The following ZAN variants were observed in gnomAD, a reference collection of about 807,000 sequenced individuals.
ZAN encodes the protein zonadhesin.
ZAN carries 260 observed loss-of-function variants against 286.2 expected under a neutral mutation model. That is an observed-to-expected ratio of 0.91 (90% CI 0.82 to 1.01). The LOEUF (loss-of-function observed/expected upper bound fraction) is 1.01, where lower values mean the gene tolerates loss of function less well. ZAN is among the 50% of genes least tolerant of loss of function. The pLI, the probability that ZAN is intolerant of heterozygous loss-of-function variation, is 0.00. For missense variants in ZAN, 3,410 were observed against 3,639.2 expected (o/e 0.94, Z 1.62); for synonymous variants, 1,368 against 1,417.5 (o/e 0.97, Z 0.79).
chr7:100,743,528 T>G (rs1321384555), intron 7 of ZAN, among the ~76,000 whole-genome samples: 1 of 152,124 alleles, frequency 6.6e-6, no homozygotes, highest in Non-Finnish European at 1.5e-5. Context: ...CATAGAGGGT[T>G]CTGCTCCCTA....
intron 30 of ZAN, 38 bp downstream of exon 30, chr7:100,773,531 G>GTA: frequency 6.2e-7 from 1 of 1,605,018 alleles, no homozygotes; most frequent in Non-Finnish European, 8.5e-7. Flanking sequence ...CCCTTTCCAG[G>GTA]CCCACATGTT....
intron 5 of ZAN, 24 bp from the exon 6 acceptor site, chr7:100,737,238 T>TG (rs1284836332): frequency 2.1e-6 from 3 of 1,452,580 alleles, no homozygotes; most frequent in African/African-American, 2.9e-5. Context: ...CTCATGGGGT[T>TG]GGGGTCCCCT....
intron 7 of ZAN, among the ~76,000 whole-genome samples, chr7:100,744,626 T>C (rs998707606): frequency 2.0e-5 from 3 of 150,786 alleles, no homozygotes; most frequent in Non-Finnish European, 4.4e-5. Flanking sequence ...AATACGTACA[T>C]AAATAAATAA....
intron 7 of ZAN, among the ~76,000 whole-genome samples, chr7:100,738,879 C>CTCCTTCTCCT (rs1562911331): frequency 9.4e-5 from 4 of 42,372 alleles, no homozygotes; most frequent in Admixed American, 2.5e-4. Flanking sequence ...CTTCTTCTCC[C>CTCCTTCTCCT]TCTCCCTCTC....
In ZAN at chr7:100,795,345, A is replaced by T. The variant is rs752731788; in HGVS notation, c.8266+9A>T. The T allele has an allele frequency of 1.2e-5, 19 of 1,578,062 alleles. No homozygotes were observed. Among genetic ancestry groups the T allele is most frequent in the Non-Finnish European group, 1.6e-5 (19 of 1,160,222 alleles). ...ACCTCCCAGAAAGCCAGGTGAGGGC[A>T]TCGTCCAAGGCCCTGTACCCTCACA... is the stretch of plus-strand genomic sequence containing the variant. On this transcript the variant is annotated intron_variant, in intron 45 of 47. Transcript: ENST00000613979.
At chr7:100,743,800 C>T (rs1482191940) in intron 7 of ZAN, among the ~76,000 whole-genome samples, 1 of 151,456 alleles carries the variant, frequency 6.6e-6, no homozygotes, top group African/African-American at 2.4e-5. Context: ...CTGATTGAGC[C>T]TGGGAGGTGG....
At chr7:100,793,586 C>A (rs561493756) in intron 42 of ZAN, among the ~76,000 whole-genome samples, 1 of 151,996 alleles carries the variant, frequency 6.6e-6, no homozygotes, top group Non-Finnish European at 1.5e-5. Flanking sequence ...TACAGGTGCC[C>A]GCCACCACGC....
At chr7:100,764,998 G>A (rs536962556) in intron 22 of ZAN, among the ~76,000 whole-genome samples, 1 of 152,272 alleles carries the variant, frequency 6.6e-6, no homozygotes, top group Non-Finnish European at 1.5e-5. Context: ...CAGCTCTTTG[G>A]GGAAGCTGCT....
intron 9 of ZAN, 130 bp from the exon 10 acceptor site, chr7:100,748,007 G>T: frequency 3.5e-5 from 24 of 684,002 alleles, no homozygotes; most frequent in Non-Finnish European, 5.6e-5. Flanking sequence ...AAAAAAGAAA[G>T]AAAGAACTGA....
intron 44 of ZAN, among the ~76,000 whole-genome samples, chr7:100,794,899 A>G (rs1584641066): frequency 7.5e-6 from 1 of 134,126 alleles, no homozygotes; most frequent in Non-Finnish European, 1.6e-5. Flanking sequence ...GAAGGGAGGG[A>G]GGAGAGGGGA....
Position 100,755,428 on chromosome 7 carries a change from C to G in ZAN, c.3309+18C>G. The stretch of plus-strand genomic sequence containing the variant: ...ACTATGAGGTAAGCCCCCCGGGATG[C>G]TGGGGTCCCATGAGGGAGATTGATG... On this transcript the variant is annotated intron_variant, in intron 15 of 47. Transcript: ENST00000613979. 3.7e-6 allele frequency: 6 copies of G among 1,609,006 alleles called. No homozygotes were observed. The highest frequency in any genetic ancestry group is 4.2e-6 in the Non-Finnish European group (5 of 1,177,276).
intron 31 of ZAN, 131 bp from the exon 32 acceptor site, chr7:100,775,197 G>A: frequency 7.4e-7 from 1 of 1,357,468 alleles, no homozygotes; most frequent in Non-Finnish European, 9.8e-7. Flanking sequence ...ACAGGCATGA[G>A]CCACTGCGCA....
chr7:100,770,082 C>CATTTTTTA, intron 28 of ZAN, 108 bp downstream of exon 28: 2 of 1,147,436 alleles, frequency 1.7e-6, no homozygotes, highest in Admixed American at 2.4e-5. Context: ...GATGGAAAAG[C>CATTTTTTA]ATGAGGAAGG....
chr7:100,796,696 G>A (rs1378362419), intron 45 of ZAN, among the ~76,000 whole-genome samples: 7 of 152,088 alleles, frequency 4.6e-5, no homozygotes, highest in East Asian at 1.9e-4. Flanking sequence ...GATTACAGGC[G>A]TGAGCCTTTG....
At chr7:100,781,162 G>A (rs1420979778) in intron 35 of ZAN, among the ~76,000 whole-genome samples, 1 of 151,966 alleles carries the variant, frequency 6.6e-6, no homozygotes, top group African/African-American at 2.4e-5. Flanking sequence ...CCACCTTCTG[G>A]GTTCAAGAGA....
At chr7:100,773,223 G>A (rs934656739) in intron 29 of ZAN, 62 bp from the exon 30 acceptor site, 4 of 1,580,786 alleles carry the variant, frequency 2.5e-6, no homozygotes, top group Non-Finnish European at 3.4e-6. Context: ...AGCTTTTGAT[G>A]CCCCAAGGTT....
Position 100,750,911 on chromosome 7 carries a change from C to T in ZAN, c.1521+15C>T, listed in dbSNP as rs756462775. 1.1e-5 allele frequency: 17 copies of T among 1,530,072 alleles called. No individual in the cohort carries two copies. The Admixed American group carries it at 1.4e-4, about 13-fold the overall frequency. 94.8% of individuals were successfully genotyped at this position (1,530,072 alleles called of 1,614,324 possible). A position where few individuals can be genotyped will look rare whatever the true frequency, so the allele number is the denominator to read the frequency against. ...AGCCCATGCAGGTGAGAGACGGAGGCGGGGGTCCTGTCTGTGTGAGGTGAG... is the reference window on the plus strand; with the variant it reads ...AGCCCATGCAGGTGAGAGACGGAGGTGGGGGTCCTGTCTGTGTGAGGTGAG... On this transcript the variant is annotated intron_variant, in intron 12 of 47. Coordinates refer to ENST00000613979, the MANE Select transcript of ZAN (RefSeq NM_003386.3).
chr7:100,774,067 G>A (rs927277808), intron 31 of ZAN, among the ~76,000 whole-genome samples: 2 of 152,086 alleles, frequency 1.3e-5, no homozygotes, highest in South Asian at 2.1e-4. Flanking sequence ...CTCCTGTAGC[G>A]GCCACCAACT....
chr7:100,746,982 G>A (rs890045527), intron 8 of ZAN, among the ~76,000 whole-genome samples: 2 of 152,130 alleles, frequency 1.3e-5, no homozygotes, highest in African/African-American at 4.8e-5. Flanking sequence ...TACACGGGAG[G>A]CTGAGGCAGG....
Sources: allele counts gnomAD v4.1 joint callset (sites outside exome capture counted in the v4.1 genomes callset), GRCh38; gene constraint gnomAD v4.1.1; transcripts MANE v1.5; gene names NCBI Gene and HGNC (gene_info 2026-07-23, HGNC 2026-07-21).